HDAC8: variants seen among roughly 807,000 people sequenced by gnomAD.
HDAC8 encodes histone deacetylase 8, also known as histone deacetylase-like 1.
A neutral mutation model predicts 32.2 loss-of-function variants in HDAC8; 1 was observed. The observed-to-expected ratio is 0.03, with a 90% CI of 0.01 to 0.15. The LOEUF (loss-of-function observed/expected upper bound fraction) is 0.15. Among genes scored for constraint, HDAC8 ranks in the 10% least tolerant of loss-of-function variants. The probability of loss-of-function intolerance (pLI) is 1.00; values close to 1 mark genes in which losing one functional copy is unlikely to be tolerated. For missense variants in HDAC8, 117 were observed against 300.0 expected, an observed-to-expected ratio of 0.39 and a Z score of 4.51; for synonymous variants, 108 against 113.9, an observed-to-expected ratio of 0.95 and a Z score of 0.33.
intron 9 of HDAC8, among the ~76,000 whole-genome samples, chrX:72,395,239 T>C (rs782437846): frequency 1.1e-4 from 12 of 112,476 alleles, no homozygotes; most frequent in African/African-American, 3.9e-4. Context: ...ATTTGAGGCT[T>C]AAACATCTTT....
intron 4 of HDAC8, among the ~76,000 whole-genome samples, chrX:72,564,728 T>A (rs1020719684): frequency 1.8e-5 from 2 of 111,783 alleles, no homozygotes; most frequent in African/African-American, 6.5e-5. Context: ...TTCTATATAA[T>A]TGGTCTCTTT....
chrX:72,540,640 C>A (rs1352534759), intron 4 of HDAC8, among the ~76,000 whole-genome samples: 2 of 110,823 alleles, frequency 1.8e-5, no homozygotes, highest in African/African-American at 6.6e-5. Flanking sequence ...CTCTGACTGC[C>A]ACGTGGAACC....
At chrX:72,462,163 G>A (rs2047886223) in intron 8 of HDAC8, 65 bp from the exon 9 acceptor site, 1 of 854,653 alleles carries the variant, frequency 1.2e-6, no homozygotes, top group East Asian at 3.1e-5. Flanking sequence ...GAGGGAAGGG[G>A]GGTAAGGAAA....
chrX:72,331,978 C>A (rs990999214), intron 10 of HDAC8, among the ~76,000 whole-genome samples: 2 of 112,494 alleles, frequency 1.8e-5, no homozygotes, highest in Non-Finnish European at 3.7e-5. Context: ...CATCTGTTAT[C>A]CTTCTCTAAA....
intron 9 of HDAC8, among the ~76,000 whole-genome samples, chrX:72,365,906 T>G (rs2044684330): frequency 8.9e-6 from 1 of 112,015 alleles, no homozygotes; most frequent in South Asian, 3.8e-4. Context: ...CACCTATTGA[T>G]TCATTTATTC....
At chrX:72,523,200 A>G (rs781806706) in intron 4 of HDAC8, among the ~76,000 whole-genome samples, 85 of 112,090 alleles carry the variant, frequency 7.6e-4, no homozygotes, top group Middle Eastern at 9.1e-3. Flanking sequence ...TCTGGAAAGT[A>G]CAAAAACATT....
chrX:72,447,962 A>G (rs1315545806), intron 9 of HDAC8, among the ~76,000 whole-genome samples: 3 of 112,257 alleles, frequency 2.7e-5, no homozygotes, highest in Non-Finnish European at 3.8e-5. Context: ...AAAACATTCC[A>G]TGTTCATGGA....
At chrX:72,412,747 T>G (rs1341888357) in intron 9 of HDAC8, among the ~76,000 whole-genome samples, 1 of 112,045 alleles carries the variant, frequency 8.9e-6, no homozygotes, top group Non-Finnish European at 1.9e-5. Flanking sequence ...GAAATGGAGA[T>G]ATTAAGGTAT....
At chrX:72,387,677 C>T (rs781871344) in intron 9 of HDAC8, among the ~76,000 whole-genome samples, 4 of 111,827 alleles carry the variant, frequency 3.6e-5, no homozygotes, top group African/African-American at 6.5e-5. Context: ...AGATAAATAA[C>T]GCATCTAAAG....
At chrX:72,356,993 G>A (rs1392770355) in intron 9 of HDAC8, among the ~76,000 whole-genome samples, 1 of 111,017 alleles carries the variant, frequency 9.0e-6, no homozygotes, top group Non-Finnish European at 1.9e-5. Context: ...AATGCAAGTA[G>A]GGACACCAGT....
At chrX:72,350,225 C>T (rs73551085) in intron 10 of HDAC8, among the ~76,000 whole-genome samples, 9,184 of 110,639 alleles carry the variant, frequency 0.083, 361 homozygotes, top group South Asian at 0.34. Flanking sequence ...ACTATAGGGT[C>T]GCGAGAAGGC....
chrX:72,347,435 G>A (rs782239880), intron 10 of HDAC8, among the ~76,000 whole-genome samples: 40 of 111,647 alleles, frequency 3.6e-4, no homozygotes, highest in African/African-American at 1.2e-3. Context: ...GGAACACAGA[G>A]CAAGTGTTGA....
rs782042850 is a variant in HDAC8 at position 72,352,623 on chromosome X, GA to G, written c.1006-786del. On this transcript the variant is annotated intron_variant, in intron 9 of 10. Coordinates refer to ENST00000373573, the MANE Select transcript of HDAC8 (RefSeq NM_018486.3). ...CTGCTTTGTTAGTTTTGGTTGCCTT[GA>G]ATTCCCTGGCCCAGGAATGGCAAAG... 3.6e-5 allele frequency among the ~76,000 whole-genome samples: 4 copies of G among 111,993 alleles called. No homozygotes were observed. In the South Asian group the frequency reaches 1.1e-3, roughly 32 times the overall value.
chrX:72,347,388 C>T (rs1555947345), intron 10 of HDAC8, among the ~76,000 whole-genome samples: 1 of 111,217 alleles, frequency 9.0e-6, no homozygotes, highest in African/African-American at 3.3e-5. Context: ...TTGTTTGTTT[C>T]TTTTTCTCTC....
At chrX:72,396,853 A>AACAAC (rs782360153) in intron 9 of HDAC8, among the ~76,000 whole-genome samples, 52 of 111,309 alleles carry the variant, frequency 4.7e-4, no homozygotes, top group African/African-American at 1.6e-3. Context: ...ACAACAACAA[A>AACAAC]AACAACAACA....
chrX:72,383,056 C>G (rs1555960287), intron 9 of HDAC8, among the ~76,000 whole-genome samples: 2 of 111,965 alleles, frequency 1.8e-5, no homozygotes, highest in African/African-American at 6.5e-5. Context: ...CCTAGGAAAG[C>G]TATAGGATCA....
intron 4 of HDAC8, among the ~76,000 whole-genome samples, chrX:72,562,856 A>C (rs1341785381): frequency 9.2e-6 from 1 of 108,565 alleles, no homozygotes; most frequent in Non-Finnish European, 1.9e-5. Context: ...TACAATGTGC[A>C]TACATTTTTA....
chrX:72,427,603 G>A (rs1441472797), intron 9 of HDAC8, among the ~76,000 whole-genome samples: 4 of 48,930 alleles, frequency 8.2e-5, no homozygotes, highest in Non-Finnish European at 1.1e-4. Context: ...GTTGTGGGGT[G>A]GGGGGGGGGA....
intron 4 of HDAC8, among the ~76,000 whole-genome samples, chrX:72,533,432 A>C (rs1246962596): frequency 8.9e-6 from 1 of 111,774 alleles, no homozygotes. Context: ...AATTCTACCA[A>C]ACATTTAAAG....
Sources: gnomAD v4.1 joint callset for allele counts (sites outside exome capture counted in the v4.1 genomes callset) on GRCh38, gnomAD v4.1.1 for gene constraint, MANE v1.5 for transcripts, NCBI Gene and HGNC (gene_info 2026-07-23, HGNC 2026-07-21) for gene names.